The following DHX35 variants were observed in gnomAD, a reference collection of about 807,000 sequenced individuals.
DHX35 encodes the protein probable ATP-dependent RNA helicase DHX35.
Under a neutral mutation model 99.6 loss-of-function variants are expected in DHX35, and 84 were observed. That is an observed-to-expected ratio of 0.84 (90% confidence interval 0.71 to 1.01). The LOEUF (loss-of-function observed/expected upper bound fraction) is 1.01. DHX35 is among the 50% of genes least tolerant of loss of function. The pLI is 0.00. For synonymous variants in DHX35, 331 were observed against 316.2 expected, an observed-to-expected ratio of 1.05 and a Z score of -0.50; for missense variants, 852 against 888.5, an observed-to-expected ratio of 0.96 and a Z score of 0.52.
intron 13 of DHX35, among the ~76,000 whole-genome samples, chr20:39,011,770 C>A (rs2086706404): frequency 6.6e-6 from 1 of 152,126 alleles, no homozygotes; most frequent in African/African-American, 2.4e-5. Flanking sequence ...TATGATATGA[C>A]AAGTCTGGAA....
At chr20:38,967,222 T>C (rs1016027936) in intron 1 of DHX35, among the ~76,000 whole-genome samples, 12 of 152,162 alleles carry the variant, frequency 7.9e-5, no homozygotes, top group African/African-American at 2.7e-4. Flanking sequence ...GTTGAAGCAA[T>C]CTGAGAACCC....
At chr20:38,980,168 A>G (rs1238446953) in intron 3 of DHX35, among the ~76,000 whole-genome samples, 2 of 152,044 alleles carry the variant, frequency 1.3e-5, no homozygotes, top group African/African-American at 2.4e-5. Context: ...GACTAGCTTT[A>G]TGGACAGGCT....
chr20:38,993,059 C>T (rs911956265), intron 7 of DHX35, among the ~76,000 whole-genome samples: 2 of 152,202 alleles, frequency 1.3e-5, no homozygotes, highest in African/African-American at 4.8e-5. Flanking sequence ...CTCCTCCCTT[C>T]CCATATTTTC....
chr20:38,999,407 C>G (rs1399514489), intron 8 of DHX35, among the ~76,000 whole-genome samples: 1 of 152,118 alleles, frequency 6.6e-6, no homozygotes, highest in Admixed American at 6.5e-5. Context: ...AGCCTTCGTG[C>G]TTGTGGCAGT....
intron 21 of DHX35, among the ~76,000 whole-genome samples, chr20:39,036,394 C>T (rs573390206): frequency 6.6e-5 from 10 of 152,240 alleles, no homozygotes; most frequent in Admixed American, 4.6e-4. Flanking sequence ...CCACTGTCAT[C>T]GGAGTATTTT....
At chr20:38,963,821 A>T (rs184087374) in intron 1 of DHX35, among the ~76,000 whole-genome samples, 10 of 152,320 alleles carry the variant, frequency 6.6e-5, no homozygotes, top group African/African-American at 2.2e-4. Context: ...CTCTTAATTG[A>T]ATATAAAGTT....
At chr20:38,981,665 G>A (rs537492595) in intron 3 of DHX35, among the ~76,000 whole-genome samples, 3 of 152,132 alleles carry the variant, frequency 2.0e-5, no homozygotes, top group South Asian at 2.1e-4. Context: ...ATCTGGGGCC[G>A]GGCGTGGTGG....
Position 39,010,198 on chromosome 20 carries a change from A to C in DHX35, c.1223-82A>C. The C allele has an allele frequency of 3.1e-6, 5 of 1,598,420 alleles. No homozygotes were observed. The South Asian group carries it at 3.3e-5, about 11-fold the overall frequency. On this transcript the variant is annotated intron_variant, in intron 12 of 21. Coordinates refer to ENST00000252011, the MANE Select transcript of DHX35 (RefSeq NM_021931.4). ...TCCTAGAGACCCTTGTTCAAGATAG[A>C]GAAGAAAATTTGTCCCTTGGCATAG...
At chr20:39,001,001 C>T (rs909371594) in intron 8 of DHX35, among the ~76,000 whole-genome samples, 2 of 152,156 alleles carry the variant, frequency 1.3e-5, no homozygotes, top group African/African-American at 4.8e-5. Context: ...TTCCTTCCCC[C>T]ATCATTGGCT....
At chr20:38,993,750 T>C (rs2086378529) in intron 7 of DHX35, among the ~76,000 whole-genome samples, 1 of 152,080 alleles carries the variant, frequency 6.6e-6, no homozygotes, top group Non-Finnish European at 1.5e-5. Flanking sequence ...GCTAGTGGCT[T>C]ATGCATCGGA....
chr20:38,991,578 C>A, intron 6 of DHX35, 63 bp downstream of exon 6: 1 of 1,471,832 alleles, frequency 6.8e-7, no homozygotes, highest in South Asian at 1.2e-5. Context: ...GACGGAGAAG[C>A]AGGTGTGTTA....
At chr20:39,021,177 G>T (rs2086866699) in intron 15 of DHX35, among the ~76,000 whole-genome samples, 1 of 152,178 alleles carries the variant, frequency 6.6e-6, no homozygotes, top group African/African-American at 2.4e-5. Context: ...TTTTGAGAAG[G>T]AAGCCACTTC....
In DHX35 at chr20:39,021,907, T is replaced by C. The variant is rs770232924; in HGVS notation, c.1565T>C (p.Val522Ala). Residue 522 changes from valine to alanine, a missense_variant, in exon 16 of 22, where the codon GTG becomes GCG. Transcript: ENST00000252011. ...AAMMQIQNIF[V>A]VPPNQKSHAI... ...ATGATGCAGATCCAGAATATCTTTG[T>C]GGTCCCCCCAAACCAGAAGTCTCAC... 4.3e-6 allele frequency: 7 copies of C among 1,614,178 alleles called. No individual in the cohort carries two copies. In the East Asian group the frequency reaches 1.3e-4, roughly 31 times the overall value.
chr20:39,022,451 C>T (rs779924655), intron 16 of DHX35, among the ~76,000 whole-genome samples: 13 of 152,096 alleles, frequency 8.5e-5, no homozygotes, highest in South Asian at 6.2e-4. Context: ...CCACCGTGCC[C>T]GGCCTATTAT....
In DHX35 at chr20:38,962,378, C is replaced by A; in HGVS notation, c.11C>A (p.Pro4His). The A allele has an allele frequency of 1.2e-6, 2 of 1,612,800 alleles. No individual in the cohort carries two copies. The highest frequency in any genetic ancestry group is 1.7e-6 in the Non-Finnish European group (2 of 1,179,312). Residue 4 changes from proline (P) to histidine (H), a missense_variant, in exon 1 of 22, where the codon CCC becomes CAC. Coordinates refer to ENST00000252011, the MANE Select transcript of DHX35 (RefSeq NM_021931.4). ...ACCTTTTACCCCAACATGGCTGCGC[C>A]CGTGGGACCGGTGAAGTTCTGGCGA... MAA[P>H]VGPVKFWRPG... is the part of the protein sequence containing the mutation.
At chr20:39,016,711 C>T (rs1600429341) in intron 14 of DHX35, among the ~76,000 whole-genome samples, 4 of 152,206 alleles carry the variant, frequency 2.6e-5, no homozygotes, top group Admixed American at 2.6e-4. Context: ...TTATAGCCAT[C>T]CTAGTGGGTG....
At position 38,994,863 on chromosome 20, in the gene DHX35, G is replaced by A. The variant is rs2086401668; in HGVS notation, c.625G>A (p.Ala209Thr). 3 of 1,613,702 alleles carry A rather than the reference G, an allele frequency of 1.9e-6. No homozygotes were observed. Among genetic ancestry groups the A allele is most frequent in the Admixed American group, 1.7e-5 (1 of 60,008 alleles). Residue 209 changes from alanine to threonine, a missense_variant, in exon 8 of 22, where the codon GCC becomes ACC. Transcript: ENST00000252011. Reference sequence around the variant, plus strand: ...GGATCTTCGATTGATTGTAGCTTCAGCCACTCTGGATGCAGACGTAAGAGC... The same window carrying A: ...GGATCTTCGATTGATTGTAGCTTCAACCACTCTGGATGCAGACGTAAGAGC... ...RGDLRLIVAS[A>T]TLDADKFRDF...
chr20:39,021,281 C>A (rs1035546406), intron 15 of DHX35, among the ~76,000 whole-genome samples: 1 of 152,180 alleles, frequency 6.6e-6, no homozygotes, highest in Non-Finnish European at 1.5e-5. Context: ...TCCAGATGTT[C>A]CCACAGGAGG....
At chr20:38,991,961 G>A (rs1011801584) in intron 6 of DHX35, among the ~76,000 whole-genome samples, 1 of 152,152 alleles carries the variant, frequency 6.6e-6, no homozygotes, top group African/African-American at 2.4e-5. Flanking sequence ...CCTGGCCCAC[G>A]TGTGTCACAA....
Sources: gnomAD v4.1 joint callset for allele counts (sites outside exome capture counted in the v4.1 genomes callset) on GRCh38, gnomAD v4.1.1 for gene constraint, MANE v1.5 for transcripts, NCBI Gene and HGNC (gene_info 2026-07-23, HGNC 2026-07-21) for gene names.